FBXO34: variants seen among roughly 807,000 people sequenced by gnomAD.
The protein encoded by FBXO34 is F-box protein 34.
Under a neutral mutation model 24.5 loss-of-function variants are expected in FBXO34, and 12 were observed. The observed-to-expected ratio is 0.49, with a 90% CI of 0.31 to 0.79. FBXO34 has a LOEUF of 0.79. Among genes scored for constraint, FBXO34 ranks in the 30% least tolerant of loss-of-function variants. The pLI, the probability that FBXO34 is intolerant of heterozygous loss-of-function variation, is 0.04. For synonymous variants in FBXO34, 320 were observed against 311.9 expected (o/e 1.03, Z -0.27); for missense variants, 823 against 857.7 (o/e 0.96, Z 0.51).
chr14:55,401,200 T>G, the FBXO34 span, among the ~76,000 whole-genome samples: 2 of 152,060 alleles, frequency 1.3e-5, no homozygotes, highest in Non-Finnish European at 2.9e-5. Context: ...GAACAACTTT[T>G]CATATTTTAC....
chr14:55,370,813 G>A (rs1410517066), downstream of FBXO34, among the ~76,000 whole-genome samples: 4 of 152,054 alleles, frequency 2.6e-5, no homozygotes, highest in East Asian at 7.7e-4. Flanking sequence ...GCTAATTTTT[G>A]TATTTTTAGT....
chr14:55,402,175 C>T, the FBXO34 span, among the ~76,000 whole-genome samples: 1 of 152,288 alleles, frequency 6.6e-6, no homozygotes, highest in Non-Finnish European at 1.5e-5. Flanking sequence ...CCACAATTTA[C>T]TGAGCACTTA....
downstream of FBXO34, among the ~76,000 whole-genome samples, chr14:55,364,070 C>T (rs1318733866): frequency 6.6e-6 from 1 of 152,054 alleles, no homozygotes; most frequent in Non-Finnish European, 1.5e-5. Flanking sequence ...CCTGCCTCAG[C>T]CTCCCGAGTA....
the FBXO34 span, among the ~76,000 whole-genome samples, chr14:55,405,051 T>C: frequency 1.3e-5 from 2 of 152,236 alleles, no homozygotes; most frequent in Non-Finnish European, 2.9e-5. Flanking sequence ...CCACATTTTC[T>C]GGTGGAAATA....
intron 1 of FBXO34, among the ~76,000 whole-genome samples, chr14:55,280,057 T>C (rs1235387234): frequency 1.3e-5 from 2 of 152,234 alleles, no homozygotes; most frequent in Non-Finnish European, 2.9e-5. Flanking sequence ...CATTGGATTG[T>C]GGAAAGAAAA....
the FBXO34 span, among the ~76,000 whole-genome samples, chr14:55,412,918 AT>A: frequency 1.3e-5 from 2 of 152,188 alleles, no homozygotes; most frequent in African/African-American, 4.8e-5. Context: ...AAGAGCCATG[AT>A]TCATATTAGC....
intron 1 of FBXO34, among the ~76,000 whole-genome samples, chr14:55,288,455 G>A (rs1167421122): frequency 1.3e-5 from 2 of 152,072 alleles, no homozygotes; most frequent in Admixed American, 1.3e-4. Flanking sequence ...AGTAACTCTT[G>A]TTGTGTTGTT....
intron 1 of FBXO34, among the ~76,000 whole-genome samples, chr14:55,347,377 G>A (rs1884194049): frequency 6.6e-6 from 1 of 152,058 alleles, no homozygotes; most frequent in Non-Finnish European, 1.5e-5. Context: ...ATCCTCTCAG[G>A]CCATCACTGG....
At chr14:55,359,722 C>A (rs1884567935) in intron 3 of FBXO34, among the ~76,000 whole-genome samples, 1 of 152,074 alleles carries the variant, frequency 6.6e-6, no homozygotes, top group African/African-American at 2.4e-5. Flanking sequence ...GCATTTTACC[C>A]CCATTATAAC....
chr14:55,278,480 T>G (rs896514415), intron 1 of FBXO34, among the ~76,000 whole-genome samples: 1 of 152,192 alleles, frequency 6.6e-6, no homozygotes, highest in African/African-American at 2.4e-5. Context: ...TCAGTTATAC[T>G]TGTGTGATCA....
chr14:55,283,821 A>C (rs1881645743), intron 1 of FBXO34, among the ~76,000 whole-genome samples: 1 of 152,078 alleles, frequency 6.6e-6, no homozygotes, highest in South Asian at 2.1e-4. Flanking sequence ...AAATATAATA[A>C]AATTGGTTAT....
intron 1 of FBXO34, among the ~76,000 whole-genome samples, chr14:55,331,068 G>A (rs1158509537): frequency 1.3e-5 from 2 of 152,148 alleles, no homozygotes; most frequent in Non-Finnish European, 2.9e-5. Flanking sequence ...ATGATTGCTT[G>A]AACATTCAAA....
At chr14:55,324,577 G>A (rs895549881) in intron 1 of FBXO34, among the ~76,000 whole-genome samples, 9 of 151,802 alleles carry the variant, frequency 5.9e-5, no homozygotes, top group African/African-American at 2.2e-4. Context: ...TAACTTGAAA[G>A]CCCCACATAA....
chr14:55,411,772 G>A, the FBXO34 span: 11 of 1,604,844 alleles, frequency 6.9e-6, no homozygotes, highest in East Asian at 2.2e-5. Context: ...GCCGGGGCCC[G>A]CAGCCAGGAG....
downstream of FBXO34, among the ~76,000 whole-genome samples, chr14:55,370,979 C>T (rs139232935): frequency 1.3e-5 from 2 of 152,234 alleles, no homozygotes; most frequent in African/African-American, 2.4e-5. Flanking sequence ...TCAAATGCCC[C>T]TCAGCTCCTG....
At chr14:55,313,153 C>T (rs928503019) in intron 1 of FBXO34, among the ~76,000 whole-genome samples, 1 of 152,142 alleles carries the variant, frequency 6.6e-6, no homozygotes, top group Non-Finnish European at 1.5e-5. Context: ...AACATTTCTT[C>T]TACGAGATAC....
the FBXO34 span, chr14:55,391,008 A>G: frequency 6.3e-7 from 1 of 1,578,956 alleles, no homozygotes; most frequent in Non-Finnish European, 8.7e-7. Flanking sequence ...AAAAGCATGT[A>G]ATAAATATCA....
chr14:55,386,149 AC>A, the FBXO34 span: 1 of 1,443,152 alleles, frequency 6.9e-7, no homozygotes, highest in African/African-American at 1.4e-5. Flanking sequence ...GTTCCTGTGT[AC>A]TGCAGAGCTC....
chr14:55,439,242 T>C, the FBXO34 span, among the ~76,000 whole-genome samples: 4 of 145,602 alleles, frequency 2.7e-5, no homozygotes, highest in Non-Finnish European at 4.5e-5. Context: ...CCCTGCCCAA[T>C]GCTAAGGATT....
Sources: allele counts gnomAD v4.1 joint callset (sites outside exome capture counted in the v4.1 genomes callset), GRCh38; gene constraint gnomAD v4.1.1; transcripts MANE v1.5; gene names NCBI Gene and HGNC (gene_info 2026-07-23, HGNC 2026-07-21).